Variants in SLC25A26 observed in about 807,000 individuals in gnomAD.
SLC25A26 encodes solute carrier family 25 member 26.
Under a neutral mutation model 37.8 loss-of-function variants are expected in SLC25A26, and 36 were observed. The observed-to-expected ratio is 0.95, with a 90% CI of 0.73 to 1.26. The LOEUF is 1.26. Ranked by LOEUF, SLC25A26 falls within the 50% of genes most tolerant of loss-of-function variation. SLC25A26 has a pLI of 0.00. For synonymous variants in SLC25A26, 129 were observed against 122.5 expected (o/e 1.05, Z -0.35); for missense variants, 390 against 331.1 (o/e 1.18, Z -1.38).
chr3:66,206,895 T>TTTC (rs1553655636), intron 1 of SLC25A26, among the ~76,000 whole-genome samples: 6 of 102,914 alleles, frequency 5.8e-5, no homozygotes, highest in South Asian at 3.2e-4. Flanking sequence ...TCTTTCTTTC[T>TTTC]TTTTTTTTTT....
chr3:66,142,411 T>C (rs2106669647), intron 1 of SLC25A26, among the ~76,000 whole-genome samples: 1 of 152,320 alleles, frequency 6.6e-6, no homozygotes, highest in East Asian at 1.9e-4. Flanking sequence ...TCTCTGACCT[T>C]CCTCCCACCC....
intron 9 of SLC25A26, among the ~76,000 whole-genome samples, chr3:66,376,467 T>C (rs1244243834): frequency 6.6e-6 from 1 of 152,186 alleles, no homozygotes; most frequent in Non-Finnish European, 1.5e-5. Flanking sequence ...TTAGCAGCCA[T>C]CATTCAAAGC....
chr3:66,254,008 T>C (rs1185087396), intron 3 of SLC25A26, among the ~76,000 whole-genome samples: 1 of 152,222 alleles, frequency 6.6e-6, no homozygotes, highest in Non-Finnish European at 1.5e-5. Flanking sequence ...GTGTAGTCTG[T>C]ATTACCCGTG....
At chr3:66,191,048 T>A (rs1056973419) in intron 1 of SLC25A26, among the ~76,000 whole-genome samples, 23,117 of 98,518 alleles carry the variant, frequency 0.23, 2,413 homozygotes, top group African/African-American at 0.36. Context: ...TTTCAGACAT[T>A]CCTCTCAAAA....
intron 1 of SLC25A26, among the ~76,000 whole-genome samples, chr3:66,193,868 G>A (rs1258177650): frequency 6.6e-6 from 1 of 152,144 alleles, no homozygotes; most frequent in Non-Finnish European, 1.5e-5. Context: ...AAGTCTTGGA[G>A]AAATTCAGAG....
At chr3:66,333,037 G>A (rs1418461586) in intron 5 of SLC25A26, among the ~76,000 whole-genome samples, 2 of 152,016 alleles carry the variant, frequency 1.3e-5, no homozygotes, top group African/African-American at 2.4e-5. Flanking sequence ...TTCCATTGTC[G>A]CGGGTGAGAA....
intron 1 of SLC25A26, among the ~76,000 whole-genome samples, chr3:66,190,195 G>C (rs1217786050): frequency 5.3e-5 from 8 of 151,956 alleles, no homozygotes; most frequent in Non-Finnish European, 1.2e-4. Flanking sequence ...TAAACCTGTA[G>C]TTCCAGCTAC....
At chr3:66,216,656 G>C (rs2071366185), upstream of SLC25A26, among the ~76,000 whole-genome samples, 1 of 148,066 alleles carries the variant, frequency 6.8e-6, no homozygotes, top group Non-Finnish European at 1.5e-5. Flanking sequence ...ATTATTTTTT[G>C]AGCTATGTCT....
intron 7 of SLC25A26, among the ~76,000 whole-genome samples, chr3:66,367,897 G>T (rs1264085540): frequency 1.3e-5 from 2 of 152,228 alleles, no homozygotes. Context: ...GATAGGAGAT[G>T]AAGAGTTTTA....
rs543771447 is a variant in SLC25A26 at position 66,279,000 on chromosome 3, T to G, written c.453+15621T>G. ...TGTAGTGTGCTAAGGCTGTATTTTT[T>G]TTTGTGTGTGGGACTTACACCCTGA... On this transcript the variant is annotated intron_variant, in intron 5 of 9. Coordinates refer to ENST00000354883, the MANE Select transcript of SLC25A26 (RefSeq NM_001379210.1). Among the ~76,000 whole-genome samples the G allele has an allele frequency of 3.9e-5, 6 of 152,278 alleles. No individual in the cohort carries two copies. In the South Asian group the frequency reaches 1.0e-3, roughly 26 times the overall value.
In SLC25A26 at chr3:66,240,824, C is replaced by G. The variant is rs572694365; in HGVS notation, c.191-2379C>G. 2.0e-5 allele frequency among the ~76,000 whole-genome samples: 3 copies of G among 149,144 alleles called. No homozygotes were observed. In the South Asian group the frequency reaches 6.3e-4, roughly 31 times the overall value. On this transcript the variant is annotated intron_variant, in intron 2 of 9. Coordinates refer to ENST00000354883, the MANE Select transcript of SLC25A26 (RefSeq NM_001379210.1). ...GCAGTGGTGCGATCTTGGCTCACTG[C>G]AAGCTCCGCCTCCTGGGTTCATGCC...
At chr3:66,353,143 A>G (rs1348240132) in intron 6 of SLC25A26, among the ~76,000 whole-genome samples, 1 of 152,194 alleles carries the variant, frequency 6.6e-6, no homozygotes, top group Non-Finnish European at 1.5e-5. Context: ...GCAGGGCTCA[A>G]TAAGGTTGTC....
intron 1 of SLC25A26, among the ~76,000 whole-genome samples, chr3:66,209,898 TTATATATATA>T (rs1159734636): frequency 0.019 from 729 of 38,594 alleles, 62 homozygotes; most frequent in African/African-American, 0.057. Flanking sequence ...CTCTCTCTAT[TTATATATATA>T]TATATATATA....
At chr3:66,320,398 G>A (rs1370057226) in intron 5 of SLC25A26, among the ~76,000 whole-genome samples, 1 of 152,104 alleles carries the variant, frequency 6.6e-6, no homozygotes, top group Non-Finnish European at 1.5e-5. Flanking sequence ...TTAGCTCAGT[G>A]TTTTTAATGT....
chr3:66,284,008 T>C (rs2074428705), intron 5 of SLC25A26, among the ~76,000 whole-genome samples: 1 of 152,256 alleles, frequency 6.6e-6, no homozygotes, highest in Non-Finnish European at 1.5e-5. Flanking sequence ...TCTTCACTTT[T>C]TTATGCTAAA....
chr3:66,365,623 A>T (rs1214294341), intron 7 of SLC25A26, among the ~76,000 whole-genome samples: 1 of 152,188 alleles, frequency 6.6e-6, no homozygotes, highest in Non-Finnish European at 1.5e-5. Context: ...TGGGGGAGAA[A>T]GAGGCAGGGA....
At chr3:66,211,484 C>T (rs2071282952) in intron 1 of SLC25A26, among the ~76,000 whole-genome samples, 1 of 152,140 alleles carries the variant, frequency 6.6e-6, no homozygotes, top group South Asian at 2.1e-4. Context: ...GGGAAATTAC[C>T]TGGGGTCTTG....
intron 5 of SLC25A26, among the ~76,000 whole-genome samples, chr3:66,299,547 A>G (rs147973201): frequency 1.3e-5 from 2 of 152,280 alleles, no homozygotes; most frequent in East Asian, 1.9e-4. Flanking sequence ...TGTAAAAACT[A>G]TGTTAACCCC....
chr3:66,173,980 G>C (rs183072792), intron 1 of SLC25A26, among the ~76,000 whole-genome samples: 2 of 152,008 alleles, frequency 1.3e-5, no homozygotes, highest in Admixed American at 1.3e-4. Flanking sequence ...TTGAACCCAG[G>C]AGATGGAGGT....
Sources: allele counts gnomAD v4.1 joint callset (sites outside exome capture counted in the v4.1 genomes callset), GRCh38; gene constraint gnomAD v4.1.1; transcripts MANE v1.5; gene names NCBI Gene and HGNC (gene_info 2026-07-23, HGNC 2026-07-21).